The following NAA40 variants were observed in gnomAD, a reference collection of about 807,000 sequenced individuals.
NAA40 encodes the protein N-alpha-acetyltransferase 40.
In NAA40, 26 loss-of-function variants were observed where a neutral mutation model predicts 36.6. The ratio of observed to expected loss-of-function variants is 0.71; its 90% CI spans 0.52 to 0.98. NAA40 has a LOEUF of 0.98. Ranked by LOEUF, NAA40 falls within the 50% of genes least tolerant of loss-of-function variation. NAA40 has a pLI of 0.00. For missense variants in NAA40, 237 were observed against 306.5 expected (o/e 0.77, Z 1.69); for synonymous variants, 129 against 108.4 (o/e 1.19, Z -1.18).
At chr11:63,949,837 C>T (rs1050311274) in intron 3 of NAA40, among the ~76,000 whole-genome samples, 11 of 150,208 alleles carry the variant, frequency 7.3e-5, no homozygotes, top group African/African-American at 1.5e-4. Context: ...CTCAGCCTCC[C>T]GGATTCACGC....
intron 1 of NAA40, among the ~76,000 whole-genome samples, chr11:63,945,277 C>T (rs1942168552): frequency 6.6e-6 from 1 of 152,192 alleles, no homozygotes; most frequent in Admixed American, 6.6e-5. Context: ...AGCAGGGCTT[C>T]TGGGAATGGC....
chr11:63,942,403 A>G (rs927699339), intron 1 of NAA40, among the ~76,000 whole-genome samples: 1 of 152,106 alleles, frequency 6.6e-6, no homozygotes, highest in Non-Finnish European at 1.5e-5. Context: ...AGACATTGCG[A>G]GCCCCATTTT....
At chr11:63,945,750 T>G in intron 1 of NAA40, 90 bp from the exon 2 acceptor site, 1 of 1,130,862 alleles carries the variant, frequency 8.8e-7, no homozygotes, top group Non-Finnish European at 1.3e-6. Context: ...GCCAGGCCTG[T>G]GGATGCAGGG....
At chr11:63,942,024 G>T (rs1211954550) in intron 1 of NAA40, among the ~76,000 whole-genome samples, 2 of 152,202 alleles carry the variant, frequency 1.3e-5, no homozygotes, top group Non-Finnish European at 2.9e-5. Flanking sequence ...GTGACATGGT[G>T]GAAGGAGCAT....
At chr11:63,947,789 C>A (rs968069425) in intron 3 of NAA40, among the ~76,000 whole-genome samples, 21 of 139,518 alleles carry the variant, frequency 1.5e-4, no homozygotes, top group Non-Finnish European at 2.7e-4. Flanking sequence ...TGCAGTGGTG[C>A]GATCTCGGCT....
chr11:63,948,512 A>G (rs1315285668), intron 3 of NAA40, among the ~76,000 whole-genome samples: 1 of 151,008 alleles, frequency 6.6e-6, no homozygotes, highest in Non-Finnish European at 1.5e-5. Flanking sequence ...AGGTCAGGAG[A>G]TCGAGACCAT....
chr11:63,949,554 C>A (rs59114361), intron 3 of NAA40, among the ~76,000 whole-genome samples: 3,350 of 152,044 alleles, frequency 0.022, 120 homozygotes, highest in African/African-American at 0.074. Flanking sequence ...TATAATCTGC[C>A]TTACCTGAGA....
intron 1 of NAA40, among the ~76,000 whole-genome samples, chr11:63,941,929 G>C (rs1365399426): frequency 6.6e-6 from 1 of 152,120 alleles, no homozygotes; most frequent in East Asian, 1.9e-4. Flanking sequence ...TTTTTCAATG[G>C]GAATAGTAAG....
intron 4 of NAA40, 36 bp downstream of exon 4, chr11:63,952,369 T>A: frequency 1.2e-6 from 2 of 1,613,238 alleles, no homozygotes; most frequent in Non-Finnish European, 1.7e-6. Flanking sequence ...CTAGTTCCTC[T>A]CGCAGCTTTC....
intron 1 of NAA40, among the ~76,000 whole-genome samples, chr11:63,940,954 C>T (rs1322396744): frequency 6.6e-6 from 1 of 152,170 alleles, no homozygotes; most frequent in African/African-American, 2.4e-5. Flanking sequence ...CAGAAGCAGC[C>T]ACTGCGGATT....
rs766435345 is a variant in NAA40, at chr11:63,952,747, T to TGA, written c.411-9_411-8insGA. ...CCTGCACGCTCACCTCTCTGCTTTC[T>TGA]TCACCTAGCTATGAAGTGCAGTTGG... On this transcript the variant is annotated splice_polypyrimidine_tract_variant and intron_variant, in intron 5 of 7. Transcript: ENST00000377793. 43 of 1,614,010 alleles carry TGA rather than the reference T, an allele frequency of 2.7e-5. No individual in the cohort carries two copies. The highest frequency in any genetic ancestry group is 3.0e-5 in the Non-Finnish European group (35 of 1,180,020).
chr11:63,943,653 C>T (rs1474218855), intron 1 of NAA40, among the ~76,000 whole-genome samples: 1 of 151,972 alleles, frequency 6.6e-6, no homozygotes, highest in African/African-American at 2.4e-5. Flanking sequence ...AGTTTCTGCC[C>T]TGATAATTGA....
rs138739112 is a variant in NAA40 at position 63,954,449 on chromosome 11, G to T, written c.684G>T (p.Ala228=). The change falls in exon 8 of 8, where the codon GCG becomes GCT. Residue 228 remains alanine (A), a synonymous_variant. Transcript: ENST00000377793. ...TTGGGGACAGCCATCACTCCCACGC[G>T]GGTGGGCACTGTGGTGGCTGCTGCC... ...TKFGDSHHSH[A]GGHCGGCCH The T allele has an allele frequency of 3.1e-6, 5 of 1,609,612 alleles. No homozygotes were observed. Among genetic ancestry groups the T allele is most frequent in the Admixed American group, 1.7e-5 (1 of 59,178 alleles).
intron 3 of NAA40, among the ~76,000 whole-genome samples, chr11:63,949,243 A>G (rs1445549874): frequency 6.6e-6 from 1 of 152,192 alleles, no homozygotes; most frequent in Non-Finnish European, 1.5e-5. Flanking sequence ...TTTCTCATGG[A>G]CTTGTCAGGA....
chr11:63,950,842 C>T (rs1942268854), intron 3 of NAA40, among the ~76,000 whole-genome samples: 1 of 152,224 alleles, frequency 6.6e-6, no homozygotes, highest in South Asian at 2.1e-4. Context: ...CCAGCCAAGT[C>T]TGGGCTCCTC....
intron 2 of NAA40, 196 bp from the exon 3 acceptor site, chr11:63,946,755 T>C: frequency 1.3e-6 from 2 of 1,532,662 alleles, no homozygotes; most frequent in Non-Finnish European, 1.7e-6. Context: ...CCTGGGCCTT[T>C]CCACCAAAGC....
intron 3 of NAA40, chr11:63,952,026 G>C (rs1017719827): frequency 5.6e-5 from 30 of 531,384 alleles, no homozygotes; most frequent in East Asian, 1.1e-4. Flanking sequence ...CTTGTGGTTG[G>C]GGGGTGGGCC....
intron 3 of NAA40, among the ~76,000 whole-genome samples, chr11:63,947,494 G>T (rs1263742340): frequency 6.6e-6 from 1 of 152,168 alleles, no homozygotes; most frequent in African/African-American, 2.4e-5. Context: ...GGTGGCAGAA[G>T]AATCCATAAA....
chr11:63,942,333 C>T (rs1366904463), intron 1 of NAA40, among the ~76,000 whole-genome samples: 3 of 152,190 alleles, frequency 2.0e-5, no homozygotes, highest in Non-Finnish European at 4.4e-5. Context: ...ATTAAAGCAC[C>T]GGCAGAAGAT....
Sources: gnomAD v4.1 joint callset for allele counts (sites outside exome capture counted in the v4.1 genomes callset) on GRCh38, gnomAD v4.1.1 for gene constraint, MANE v1.5 for transcripts, NCBI Gene and HGNC (gene_info 2026-07-23, HGNC 2026-07-21) for gene names.